HIRA: variants seen among roughly 807,000 people sequenced by gnomAD.
HIRA encodes histone cell cycle regulator.
HIRA carries 13 observed loss-of-function variants against 126.6 expected under a neutral mutation model. The observed-to-expected ratio is 0.10, with a 90% CI of 0.07 to 0.16. The LOEUF is 0.16. Ranked by LOEUF, HIRA falls within the 10% of genes least tolerant of loss-of-function variation. HIRA has a pLI of 1.00. For missense variants in HIRA, 834 were observed against 1,314.4 expected, an observed-to-expected ratio of 0.63 and a Z score of 5.65; for synonymous variants, 511 against 520.0, an observed-to-expected ratio of 0.98 and a Z score of 0.24.
intron 8 of HIRA, among the ~76,000 whole-genome samples, chr22:19,393,300 A>C (rs2089197414): frequency 6.6e-6 from 1 of 152,244 alleles, no homozygotes; most frequent in Non-Finnish European, 1.5e-5. Context: ...TTTAATAAGT[A>C]ATATTTTATT....
chr22:19,377,055 G>A (rs2089025719), intron 14 of HIRA, among the ~76,000 whole-genome samples: 1 of 152,214 alleles, frequency 6.6e-6, no homozygotes, highest in South Asian at 2.1e-4. Flanking sequence ...AGGGGACTGG[G>A]GGGCTGCTGC....
At chr22:19,400,850 C>T (rs1455205257) in intron 5 of HIRA, among the ~76,000 whole-genome samples, 3 of 152,142 alleles carry the variant, frequency 2.0e-5, no homozygotes, top group African/African-American at 7.2e-5. Flanking sequence ...CAGAGGCCTT[C>T]CATGACAAAT....
intron 1 of HIRA, among the ~76,000 whole-genome samples, chr22:19,412,415 T>G (rs1220259146): frequency 6.6e-6 from 1 of 152,252 alleles, no homozygotes; most frequent in Non-Finnish European, 1.5e-5. Context: ...AAACTGTTAT[T>G]GGTTTAAGCC....
At chr22:19,343,753 C>T (rs1313892766) in intron 24 of HIRA, among the ~76,000 whole-genome samples, 1 of 151,692 alleles carries the variant, frequency 6.6e-6, no homozygotes, top group Non-Finnish European at 1.5e-5. Context: ...TGGAGAAAAC[C>T]CCATCTCTAC....
chr22:19,419,181 C>A (rs2089423892), intron 1 of HIRA, among the ~76,000 whole-genome samples: 2 of 152,184 alleles, frequency 1.3e-5, no homozygotes, highest in Non-Finnish European at 2.9e-5. Flanking sequence ...CTTCTAGACA[C>A]CTCACCCTGA....
At chr22:19,403,011 G>C (rs559726542) in intron 5 of HIRA, among the ~76,000 whole-genome samples, 2 of 150,336 alleles carry the variant, frequency 1.3e-5, no homozygotes, top group Admixed American at 6.7e-5. Flanking sequence ...GCTGAGGCAA[G>C]AGGATCACCT....
intron 1 of HIRA, among the ~76,000 whole-genome samples, chr22:19,418,364 C>T (rs2089415910): frequency 6.6e-6 from 1 of 151,958 alleles, no homozygotes; most frequent in South Asian, 2.1e-4. Context: ...GTGGCTCACA[C>T]CTGTAATCCC....
At position 19,387,827 on chromosome 22, in the gene HIRA, T is replaced by C; in HGVS notation, c.1008-11A>G. 2 of 1,601,210 alleles carry C rather than the reference T, an allele frequency of 1.2e-6. No individual in the cohort carries two copies. The highest frequency in any genetic ancestry group is 1.1e-5 in the South Asian group (1 of 89,256). ...AGCCCATTCAGAGTCCTGAAAGACA[T>C]GGCCATCAGCAGCCTGGTAGCAAGA... On this transcript the variant is annotated splice_polypyrimidine_tract_variant and intron_variant, in intron 10 of 24. Transcript: ENST00000263208.
intron 7 of HIRA, among the ~76,000 whole-genome samples, chr22:19,395,444 T>TG (rs1478021849): frequency 2.6e-5 from 4 of 152,122 alleles, no homozygotes; most frequent in African/African-American, 7.2e-5. Flanking sequence ...GTCCACCTCA[T>TG]GGGACCCCAC....
chr22:19,419,891 A>C (rs1327329796), intron 1 of HIRA, among the ~76,000 whole-genome samples: 1 of 152,196 alleles, frequency 6.6e-6, no homozygotes, highest in Non-Finnish European at 1.5e-5. Context: ...GTTCACAGCC[A>C]TCTGCTGCTG....
chr22:19,375,937 C>T (rs1015900897), intron 14 of HIRA, 145 bp from the exon 15 acceptor site: 14 of 868,272 alleles, frequency 1.6e-5, no homozygotes, highest in African/African-American at 3.4e-5. Context: ...CAATCTACTA[C>T]TCCCATTTCT....
intron 11 of HIRA, among the ~76,000 whole-genome samples, 182 bp downstream of exon 11, chr22:19,387,529 T>A (rs1214559123): frequency 6.6e-6 from 1 of 152,186 alleles, no homozygotes; most frequent in Non-Finnish European, 1.5e-5. Context: ...TGGGGACTCG[T>A]TTTTTAATTA....
intron 2 of HIRA, 87 bp from the exon 3 acceptor site, chr22:19,408,680 C>A: frequency 1.4e-6 from 1 of 723,524 alleles, no homozygotes; most frequent in Admixed American, 2.0e-5. Flanking sequence ...TAGGAGAAGT[C>A]CTCACTTAGC....
chr22:19,368,561 T>C (rs1199671929), intron 15 of HIRA, among the ~76,000 whole-genome samples: 3 of 152,304 alleles, frequency 2.0e-5, no homozygotes, highest in Admixed American at 2.0e-4. Flanking sequence ...CAAAAATGCT[T>C]TCTCTCAGAT....
intron 1 of HIRA, among the ~76,000 whole-genome samples, chr22:19,426,016 AAAAT>A (rs1199652631): frequency 1.3e-5 from 2 of 152,176 alleles, no homozygotes; most frequent in East Asian, 3.9e-4. Context: ...ACTCTGTCTC[AAAAT>A]AAATAAAGAA....
chr22:19,353,421 G>A lies in HIRA; in HGVS notation c.2783C>T (p.Thr928Ile). 6.2e-7 allele frequency: 1 copy of A among 1,613,110 alleles called. No homozygotes were observed. Among genetic ancestry groups the A allele is most frequent in the South Asian group, 1.1e-5 (1 of 90,966 alleles). The change falls in exon 23 of 25, where the codon ACC becomes ATC. Residue 928 changes from threonine (T) to isoleucine (I), a missense_variant. Physicochemically the swap from Thr to Ile is moderately conservative, Grantham distance 89. Around this residue, in one of 5 missense-constraint regions of HIRA, gnomAD observed 468 missense variants for 574.2 expected, o/e 0.82. Coordinates refer to ENST00000263208, the MANE Select transcript of HIRA (RefSeq NM_003325.4). The part of the protein sequence containing the change: ...YLENQVAAAL[T>I]LQSSHEYRHW... ...GCGGTACTCGTGGCTGGACTGCAGG[G>A]TGAGTGCTGCTGCCACCTGGTTCTC... is the stretch of plus-strand genomic sequence containing the variant.
intron 1 of HIRA, 38 bp from the exon 2 acceptor site, chr22:19,410,816 G>C: frequency 6.5e-7 from 1 of 1,539,278 alleles, no homozygotes; most frequent in Non-Finnish European, 9.0e-7. Flanking sequence ...ATCTAAATTG[G>C]CTTTTATTCA....
chr22:19,386,896 A>G (rs2089132230), intron 11 of HIRA, among the ~76,000 whole-genome samples: 1 of 152,202 alleles, frequency 6.6e-6, no homozygotes, highest in African/African-American at 2.4e-5. Context: ...CCTCTCCCCC[A>G]AAGGGGTTCA....
At chr22:19,389,054 TA>T (rs1383213764) in intron 9 of HIRA, among the ~76,000 whole-genome samples, 1 of 152,164 alleles carries the variant, frequency 6.6e-6, no homozygotes, top group Non-Finnish European at 1.5e-5. Context: ...AGTACAGAAA[TA>T]CACACCTGGG....
Sources: gnomAD v4.1 joint callset for allele counts (sites outside exome capture counted in the v4.1 genomes callset) on GRCh38, gnomAD v4.1.1 for gene constraint, gnomAD v4.1.1 regional missense constraint, MANE v1.5 for transcripts, NCBI Gene and HGNC (gene_info 2026-07-23, HGNC 2026-07-21) for gene names.